TENM3: variants seen among roughly 807,000 people sequenced by gnomAD.
The protein encoded by TENM3 is teneurin transmembrane protein 3.
Under a neutral mutation model 255.1 loss-of-function variants are expected in TENM3, and 63 were observed. The observed-to-expected ratio is 0.25, with a 90% confidence interval of 0.20 to 0.30. The LOEUF (loss-of-function observed/expected upper bound fraction) is 0.30, where lower values mean the gene tolerates loss of function less well. TENM3 is among the 10% of genes least tolerant of loss of function. The probability of loss-of-function intolerance (pLI) is 1.00; values close to 1 mark genes in which losing one functional copy is unlikely to be tolerated. For synonymous variants in TENM3, 1,306 were observed against 1,322.3 expected (o/e 0.99, Z 0.27); for missense variants, 2,929 against 3,461.1 (o/e 0.85, Z 3.86).
intron 1 of TENM3, among the ~76,000 whole-genome samples, chr4:182,149,452 C>T (rs1204871470): frequency 6.6e-6 from 1 of 151,994 alleles, no homozygotes; most frequent in East Asian, 1.9e-4. Flanking sequence ...AAATAGTGAT[C>T]TACTCAAACC....
intron 24 of TENM3, among the ~76,000 whole-genome samples, chr4:182,783,190 G>A (rs901461099): frequency 1.9e-4 from 29 of 152,178 alleles, no homozygotes; most frequent in African/African-American, 6.5e-4. Flanking sequence ...GCAGCAGCTG[G>A]TACTGGTTGT....
At chr4:182,101,932 G>A in the TENM3 span, among the ~76,000 whole-genome samples, 9,401 of 152,140 alleles carry the variant, frequency 0.062, 787 homozygotes, top group African/African-American at 0.18. Flanking sequence ...TTGATTTTCA[G>A]GTAGAAGAGT....
the TENM3 span, among the ~76,000 whole-genome samples, chr4:182,063,816 C>A: frequency 1.3e-5 from 2 of 152,138 alleles, no homozygotes; most frequent in Non-Finnish European, 2.9e-5. Context: ...CAGCCACAGA[C>A]AGAAAACATG....
At chr4:182,187,736 A>G (rs1753257191) in intron 1 of TENM3, among the ~76,000 whole-genome samples, 2 of 152,188 alleles carry the variant, frequency 1.3e-5, no homozygotes, top group South Asian at 4.1e-4. Context: ...CTGTAATATG[A>G]GAGAACATAC....
chr4:182,416,686 A>C (rs1770383092), intron 3 of TENM3, among the ~76,000 whole-genome samples: 1 of 152,230 alleles, frequency 6.6e-6, no homozygotes, highest in Admixed American at 6.5e-5. Flanking sequence ...GGCTTCCCAA[A>C]GTAACTATAA....
At chr4:182,032,643 G>A in the TENM3 span, among the ~76,000 whole-genome samples, 1 of 152,118 alleles carries the variant, frequency 6.6e-6, no homozygotes, top group African/African-American at 2.4e-5. Flanking sequence ...GCTCCTATTT[G>A]TACCTCTGGT....
At chr4:182,169,385 T>C (rs763861956) in intron 1 of TENM3, 14 of 451,296 alleles carry the variant, frequency 3.1e-5, no homozygotes, top group African/African-American at 2.2e-4. Flanking sequence ...CTCCCAAAAA[T>C]TCAAGTAAAA....
At chr4:181,815,249 C>T in the TENM3 span, among the ~76,000 whole-genome samples, 7 of 150,050 alleles carry the variant, frequency 4.7e-5, no homozygotes, top group Admixed American at 2.7e-4. Context: ...GTCAGGAGTT[C>T]GAGACCAGCC....
At chr4:182,281,511 T>TTGG (rs1343699330) in intron 1 of TENM3, among the ~76,000 whole-genome samples, 50 of 152,120 alleles carry the variant, frequency 3.3e-4, no homozygotes, top group African/African-American at 1.1e-3. Context: ...TTTTTTGTTG[T>TTGG]TGGTGGTGGT....
chr4:181,886,048 G>GTTTTTTTTTTTTTTT, the TENM3 span, among the ~76,000 whole-genome samples: 1 of 102,540 alleles, frequency 9.8e-6, no homozygotes, highest in Non-Finnish European at 2.0e-5. Context: ...TTTTTCTTGG[G>GTTTTTTTTTTTTTTT]TTTTTTTTTT....
chr4:181,901,068 T>C, the TENM3 span, among the ~76,000 whole-genome samples: 1 of 152,182 alleles, frequency 6.6e-6, no homozygotes, highest in Non-Finnish European at 1.5e-5. Context: ...ACCTTCTCAA[T>C]GATCAAGGGA....
the TENM3 span, among the ~76,000 whole-genome samples, chr4:181,516,113 C>T: frequency 0.21 from 31,293 of 151,898 alleles, 4,140 homozygotes; most frequent in Non-Finnish European, 0.3. Context: ...AAACAGAAAA[C>T]GAAACACTGC....
chr4:181,477,744 G>A, the TENM3 span, among the ~76,000 whole-genome samples: 1 of 152,186 alleles, frequency 6.6e-6, no homozygotes, highest in Non-Finnish European at 1.5e-5. Context: ...TAATTGGAAA[G>A]CATTAGAGCC....
the TENM3 span, among the ~76,000 whole-genome samples, chr4:181,871,855 TG>T: frequency 6.6e-6 from 1 of 152,122 alleles, no homozygotes; most frequent in African/African-American, 2.4e-5. Context: ...GATAATTTGG[TG>T]AATTAAATTG....
At chr4:181,637,798 T>G in the TENM3 span, among the ~76,000 whole-genome samples, 2 of 152,216 alleles carry the variant, frequency 1.3e-5, no homozygotes, top group African/African-American at 2.4e-5. Flanking sequence ...CACTAAAATC[T>G]ATGGCCCGTG....
At chr4:181,535,427 C>T in the TENM3 span, among the ~76,000 whole-genome samples, 43 of 152,298 alleles carry the variant, frequency 2.8e-4, no homozygotes, top group East Asian at 8.1e-3. Context: ...ATGGTGTCTC[C>T]TAGGCTCTTG....
At chr4:181,967,695 T>A in the TENM3 span, among the ~76,000 whole-genome samples, 1 of 152,006 alleles carries the variant, frequency 6.6e-6, no homozygotes, top group Non-Finnish European at 1.5e-5. Flanking sequence ...TCTAACACAT[T>A]TCCCCATGAT....
At chr4:182,642,154 G>C (rs1752371258) in intron 5 of TENM3, among the ~76,000 whole-genome samples, 1 of 152,178 alleles carries the variant, frequency 6.6e-6, no homozygotes, top group Admixed American at 6.5e-5. Context: ...TGACCCCTTT[G>C]GGCAGCTGAT....
chr4:182,710,200 A>T (rs1465396905), intron 12 of TENM3, among the ~76,000 whole-genome samples: 1 of 152,222 alleles, frequency 6.6e-6, no homozygotes, highest in African/African-American at 2.4e-5. Context: ...GAATTTCTGT[A>T]GAAATACTAC....
Sources: allele counts gnomAD v4.1 joint callset (sites outside exome capture counted in the v4.1 genomes callset), GRCh38; gene constraint gnomAD v4.1.1; transcripts MANE v1.5; gene names NCBI Gene and HGNC (gene_info 2026-07-23, HGNC 2026-07-21).